Variants in TTC3 observed in about 807,000 individuals in gnomAD.
The protein encoded by TTC3 is E3 ubiquitin-protein ligase TTC3.
Under a neutral mutation model 249.6 loss-of-function variants are expected in TTC3, and 180 were observed. The observed-to-expected ratio is 0.72, with a 90% CI of 0.64 to 0.82. The LOEUF is 0.82. TTC3 is among the 40% of genes least tolerant of loss of function. TTC3 has a pLI of 0.00. For missense variants in TTC3, 2,061 were observed against 2,398.4 expected, an observed-to-expected ratio of 0.86 and a Z score of 2.94; for synonymous variants, 717 against 805.0, an observed-to-expected ratio of 0.89 and a Z score of 1.85.
intron 11 of TTC3, among the ~76,000 whole-genome samples, chr21:37,108,912 G>A (rs768953517): frequency 6.6e-5 from 10 of 152,166 alleles, no homozygotes; most frequent in Non-Finnish European, 1.5e-4. Flanking sequence ...AGTTTGAGAG[G>A]AGATAATTTG....
exon 4 of TTC3, chr21:37,088,314 A>G (rs1295165073): frequency 1.2e-6 from 2 of 1,613,386 alleles, no homozygotes; most frequent in Admixed American, 1.7e-5. Context: ...ACAGTTCCGT[A>G]ATATCACGAT....
intron 21 of TTC3, 143 bp from the exon 22 acceptor site, chr21:37,147,338 T>G: frequency 1.5e-6 from 1 of 681,610 alleles, no homozygotes. Context: ...ACTTTAAAAG[T>G]TGTATGTAGT....
At chr21:37,173,072 G>A (rs1016881936) in intron 35 of TTC3, among the ~76,000 whole-genome samples, 3 of 152,134 alleles carry the variant, frequency 2.0e-5, no homozygotes, top group Non-Finnish European at 4.4e-5. Context: ...AGGCAGCATA[G>A]GAATAGAGGT....
In TTC3 at chr21:37,164,033, T is replaced by G. The variant is rs754458890; in HGVS notation, c.3171-18T>G. On this transcript the variant is annotated intron_variant, in intron 31 of 45. Coordinates refer to ENST00000355666, the Ensembl canonical transcript of TTC3. ...CTATCATCCACAAAATTGGGTGTTTTTTGTTGTTATTTACCAGCAATCGAA... is the reference window on the plus strand; with the variant it reads ...CTATCATCCACAAAATTGGGTGTTTGTTGTTGTTATTTACCAGCAATCGAA... 6.3e-7 allele frequency: 1 copy of G among 1,592,938 alleles called. No homozygotes were observed. Among genetic ancestry groups the G allele is most frequent in the African/African-American group, 1.4e-5 (1 of 73,922 alleles).
intron 41 of TTC3, among the ~76,000 whole-genome samples, chr21:37,192,950 G>T (rs915226455): frequency 6.6e-5 from 10 of 152,112 alleles, no homozygotes; most frequent in Non-Finnish European, 1.2e-4. Flanking sequence ...AAATGAATTA[G>T]GCCCAGAGGA....
rs148507546 is a variant in TTC3, at chr21:37,077,897, A to C, written c.-12+4533A>C. 1.5e-3 allele frequency among the ~76,000 whole-genome samples: 225 copies of C among 152,280 alleles called. 3 individuals carry two copies. Among genetic ancestry groups the C allele is most frequent in the Admixed American group, 5.2e-3 (80 of 15,300 alleles). ...GAACAGAAGTTCTTAATTTTAACAT[A>C]ATCTGATTGGAACCTTTCTTGCCCT... On this transcript the variant is annotated intron_variant, in intron 1 of 45. Transcript: ENST00000355666.
At position 37,166,139 on chromosome 21, in the gene TTC3, G is replaced by T; in HGVS notation, c.3925G>T (p.Ala1309Ser). ...TGAGGATGTGAAACCAACTTATTGG[G>T]CTCAATCCCATTTGGTCACAGGATA... The change falls in exon 33 of 46, where the codon GCT becomes TCT. Residue 1309 changes from alanine (A) to serine (S), a missense_variant. Physicochemically the swap from Ala to Ser is moderately conservative, Grantham distance 99 (BLOSUM62 1). Transcript: ENST00000355666. 6 of 1,614,080 alleles carry T rather than the reference G, an allele frequency of 3.7e-6. No individual in the cohort carries two copies. The highest frequency in any genetic ancestry group is 5.1e-6 in the Non-Finnish European group (6 of 1,180,024).
At chr21:37,163,556 A>T (rs2080972823) in intron 31 of TTC3, among the ~76,000 whole-genome samples, 1 of 152,018 alleles carries the variant, frequency 6.6e-6, no homozygotes, top group African/African-American at 2.4e-5. Context: ...TTCCATGTTG[A>T]TCAGGCTGAT....
chr21:37,187,980 C>T (rs956375083), intron 38 of TTC3: 2 of 152,302 alleles, frequency 1.3e-5, no homozygotes, highest in Non-Finnish European at 2.9e-5. Flanking sequence ...TCATTTGGAC[C>T]ATGAGGCCAT....
intron 35 of TTC3, 141 bp from the exon 36 acceptor site, chr21:37,182,633 C>T (rs1239024781): frequency 1.2e-6 from 1 of 839,938 alleles, no homozygotes; most frequent in Non-Finnish European, 1.7e-6. Flanking sequence ...TAGTCTGCCA[C>T]AGGGCGCCAG....
rs574954367 is a variant in TTC3 at position 37,182,937 on chromosome 21, A to G, written c.4757+24A>G. 54 of 1,502,282 alleles carry G rather than the reference A, an allele frequency of 3.6e-5. No homozygotes were observed. The African/African-American group carries it at 7.3e-4, about 20-fold the overall frequency. 93.1% of individuals were successfully genotyped at this position (1,502,282 alleles called of 1,614,324 possible). A position where few individuals can be genotyped will look rare whatever the true frequency, so the allele number is the denominator to read the frequency against. On this transcript the variant is annotated intron_variant, in intron 36 of 45. Coordinates refer to ENST00000355666, the Ensembl canonical transcript of TTC3. ...ATGTAAGTAATGATTGAAAGGCAGT[A>G]ATTTTTATTTAAAAAAAAATATTGT...
intron 39 of TTC3, among the ~76,000 whole-genome samples, chr21:37,190,460 T>C (rs1251921566): frequency 6.6e-6 from 1 of 152,140 alleles, no homozygotes; most frequent in Non-Finnish European, 1.5e-5. Flanking sequence ...GATTTAATTT[T>C]TTTTCATGAG....
intron 19 of TTC3, among the ~76,000 whole-genome samples, chr21:37,140,316 A>AT (rs2078326404): frequency 6.6e-6 from 1 of 152,136 alleles, no homozygotes; most frequent in African/African-American, 2.4e-5. Context: ...GTACTAGTAA[A>AT]TGCTTATAGG....
intron 35 of TTC3, 142 bp from the exon 36 acceptor site, chr21:37,182,632 A>T: frequency 1.2e-6 from 1 of 832,414 alleles, no homozygotes; most frequent in Non-Finnish European, 1.7e-6. Flanking sequence ...ATAGTCTGCC[A>T]CAGGGCGCCA....
At chr21:37,087,441 A>G (rs2072650908) in intron 2 of TTC3, 40 bp downstream of exon 2, 1 of 1,609,554 alleles carries the variant, frequency 6.2e-7, no homozygotes, top group Non-Finnish European at 8.5e-7. Flanking sequence ...GACATTGTGT[A>G]TTGAAGGTTT....
intron 31 of TTC3, 92 bp from the exon 32 acceptor site, chr21:37,163,959 G>C: frequency 7.1e-7 from 1 of 1,407,974 alleles, no homozygotes; most frequent in Admixed American, 2.3e-5. Context: ...TGCCATTATT[G>C]TGTTTATTTC....
chr21:37,108,340 T>C (rs2075285792), intron 10 of TTC3, 52 bp from the exon 11 acceptor site: 1 of 1,478,922 alleles, frequency 6.8e-7, no homozygotes, highest in Admixed American at 1.9e-5. Flanking sequence ...CAAGATATAA[T>C]ACTTTTACTA....
chr21:37,191,184 C>A, intron 39 of TTC3, 150 bp from the exon 40 acceptor site: 1 of 488,950 alleles, frequency 2.0e-6, no homozygotes, highest in Non-Finnish European at 3.6e-6. Flanking sequence ...GGCAAGTTTA[C>A]AAGATAAGCA....
intron 28 of TTC3, 166 bp downstream of exon 28, chr21:37,157,072 A>G (rs2080169006): frequency 4.5e-6 from 6 of 1,338,458 alleles, no homozygotes; most frequent in Admixed American, 4.8e-5. Flanking sequence ...ATTTTTTTAT[A>G]TCATGAAGCT....
Sources: gnomAD v4.1 joint callset for allele counts (sites outside exome capture counted in the v4.1 genomes callset) on GRCh38, gnomAD v4.1.1 for gene constraint, MANE v1.5 for transcripts, NCBI Gene and HGNC (gene_info 2026-07-23, HGNC 2026-07-21) for gene names.